The following MGAT4C variants were observed in gnomAD, a reference collection of about 807,000 sequenced individuals.
MGAT4C encodes alpha-1,3-mannosyl-glycoprotein 4-beta-N-acetylglucosaminyltransferase C.
Under a neutral mutation model 40.1 loss-of-function variants are expected in MGAT4C, and 19 were observed. The observed-to-expected ratio is 0.47, with a 90% CI of 0.33 to 0.70. The LOEUF (loss-of-function observed/expected upper bound fraction) is 0.70. MGAT4C is among the 30% of genes least tolerant of loss of function. The pLI is 0.02. For synonymous variants in MGAT4C, 181 were observed against 187.1 expected (o/e 0.97, Z 0.27); for missense variants, 491 against 563.2 (o/e 0.87, Z 1.30).
At chr12:86,471,478 T>TA (rs1957757181) in intron 2 of MGAT4C, among the ~76,000 whole-genome samples, 1 of 151,804 alleles carries the variant, frequency 6.6e-6, no homozygotes. Context: ...TACAAAAATA[T>TA]AAAAAGGTTA....
At chr12:86,282,331 C>A (rs1243345006) in intron 4 of MGAT4C, among the ~76,000 whole-genome samples, 1 of 152,042 alleles carries the variant, frequency 6.6e-6, no homozygotes, top group African/African-American at 2.4e-5. Flanking sequence ...CCAATAATTT[C>A]TTATACAATA....
At chr12:86,265,034 G>A (rs934868920) in intron 4 of MGAT4C, among the ~76,000 whole-genome samples, 1 of 152,210 alleles carries the variant, frequency 6.6e-6, no homozygotes, top group African/African-American at 2.4e-5. Context: ...GAAGCTGCTT[G>A]CAGTAAGCCT....
At chr12:86,492,321 A>C (rs1026625805) in intron 2 of MGAT4C, among the ~76,000 whole-genome samples, 1 of 152,178 alleles carries the variant, frequency 6.6e-6, no homozygotes, top group South Asian at 2.1e-4. Context: ...GGAACCAAAA[A>C]CGAGCCCGCA....
At chr12:86,203,769 C>A (rs945678667) in intron 1 of MGAT4C, among the ~76,000 whole-genome samples, 3 of 151,498 alleles carry the variant, frequency 2.0e-5, no homozygotes, top group African/African-American at 7.3e-5. Flanking sequence ...ACCAGACTGA[C>A]CAACGTGGTG....
At chr12:86,078,794 C>T (rs1453230065) in intron 1 of MGAT4C, among the ~76,000 whole-genome samples, 5 of 152,116 alleles carry the variant, frequency 3.3e-5, no homozygotes, top group Non-Finnish European at 5.9e-5. Flanking sequence ...GGCTGATTGC[C>T]GTCCACAGAA....
At chr12:86,450,555 G>C (rs1957408935) in intron 2 of MGAT4C, among the ~76,000 whole-genome samples, 1 of 151,888 alleles carries the variant, frequency 6.6e-6, no homozygotes, top group Non-Finnish European at 1.5e-5. Context: ...AGTGCTTCTT[G>C]AGTTTTGTTA....
chr12:86,291,394 G>A (rs1953512129), intron 4 of MGAT4C, among the ~76,000 whole-genome samples: 1 of 152,192 alleles, frequency 6.6e-6, no homozygotes. Flanking sequence ...ATAAAGCATG[G>A]AGGATGAGAA....
chr12:86,042,045 A>T (rs922405263), intron 2 of MGAT4C, among the ~76,000 whole-genome samples: 1 of 152,168 alleles, frequency 6.6e-6, no homozygotes, highest in African/African-American at 2.4e-5. Context: ...TGTTGAATTG[A>T]TTCCTCTACC....
intron 1 of MGAT4C, among the ~76,000 whole-genome samples, chr12:86,138,496 T>G (rs142140624): frequency 4.6e-5 from 6 of 129,880 alleles, no homozygotes; most frequent in Non-Finnish European, 8.9e-5. Context: ...TATTTCCATA[T>G]ATATATCATG....
intron 1 of MGAT4C, among the ~76,000 whole-genome samples, chr12:86,777,463 C>G (rs1170096748): frequency 6.6e-6 from 1 of 152,082 alleles, no homozygotes; most frequent in Non-Finnish European, 1.5e-5. Context: ...GTTGCTTTGG[C>G]AAATTAAAAA....
intron 4 of MGAT4C, among the ~76,000 whole-genome samples, chr12:86,331,313 G>A (rs928909972): frequency 3.3e-5 from 5 of 152,066 alleles, no homozygotes; most frequent in Non-Finnish European, 4.4e-5. Flanking sequence ...GCACTTGGGA[G>A]GGGTTGCATG....
At chr12:86,384,557 T>C (rs1956017047) in intron 3 of MGAT4C, among the ~76,000 whole-genome samples, 1 of 152,248 alleles carries the variant, frequency 6.6e-6, no homozygotes, top group South Asian at 2.1e-4. Context: ...CCAAACGCAT[T>C]AGTATTTGAT....
intron 2 of MGAT4C, among the ~76,000 whole-genome samples, chr12:86,599,913 G>T (rs1355517488): frequency 2.6e-5 from 4 of 151,020 alleles, no homozygotes; most frequent in Non-Finnish European, 4.4e-5. Context: ...GTACACAGTG[G>T]TTTTTTTTTG....
At chr12:86,518,075 T>C (rs1390391058) in intron 2 of MGAT4C, among the ~76,000 whole-genome samples, 3 of 152,160 alleles carry the variant, frequency 2.0e-5, no homozygotes, top group Non-Finnish European at 4.4e-5. Context: ...TGCAGAAATA[T>C]GGGGCAAGAT....
intron 1 of MGAT4C, among the ~76,000 whole-genome samples, chr12:86,764,470 G>A (rs1951466306): frequency 6.6e-6 from 1 of 151,658 alleles, no homozygotes; most frequent in Non-Finnish European, 1.5e-5. Flanking sequence ...AGTAACCTCT[G>A]CAGACTTAAA....
chr12:86,178,179 G>A (rs376326903), intron 1 of MGAT4C, among the ~76,000 whole-genome samples: 44 of 152,052 alleles, frequency 2.9e-4, no homozygotes, highest in Admixed American at 7.2e-4. Flanking sequence ...CTTGTGATCC[G>A]CCCGCCTTGG....
At chr12:86,020,271 G>A (rs1277825602) in intron 2 of MGAT4C, among the ~76,000 whole-genome samples, 2 of 152,104 alleles carry the variant, frequency 1.3e-5, no homozygotes, top group African/African-American at 4.8e-5. Flanking sequence ...TCTTGTGCCA[G>A]TTTTCAAAGA....
At chr12:86,054,573 AATG>A (rs1306347509) in intron 1 of MGAT4C, among the ~76,000 whole-genome samples, 1 of 152,048 alleles carries the variant, frequency 6.6e-6, no homozygotes, top group East Asian at 1.9e-4. Flanking sequence ...AAGACTGAAA[AATG>A]ATAAGCATTT....
At chr12:86,592,462 TAA>T (rs775874666) in intron 2 of MGAT4C, among the ~76,000 whole-genome samples, 19 of 152,292 alleles carry the variant, frequency 1.2e-4, no homozygotes, top group Middle Eastern at 3.4e-3. Context: ...GTAAAAACGT[TAA>T]GTTTCACATT....
Sources: allele counts gnomAD v4.1 joint callset (sites outside exome capture counted in the v4.1 genomes callset), GRCh38; gene constraint gnomAD v4.1.1; transcripts MANE v1.5; gene names NCBI Gene and HGNC (gene_info 2026-07-23, HGNC 2026-07-21).